Variants in TYMS observed in about 807,000 individuals in gnomAD.
The protein encoded by TYMS is thymidylate synthetase.
A neutral mutation model predicts 39.3 loss-of-function variants in TYMS; 21 were observed. The ratio of observed to expected loss-of-function variants is 0.54; its 90% CI spans 0.38 to 0.77. TYMS has a LOEUF of 0.77. TYMS is among the 30% of genes least tolerant of loss of function. The pLI is 0.00. For missense variants in TYMS, 273 were observed against 406.7 expected (o/e 0.67, Z 2.83); for synonymous variants, 171 against 162.2 (o/e 1.05, Z -0.41).
intron 3 of TYMS, among the ~76,000 whole-genome samples, chr18:664,816 A>G (rs2074792727): frequency 6.8e-6 from 1 of 148,100 alleles, no homozygotes; most frequent in South Asian, 2.2e-4. Context: ...ATGCTGGATT[A>G]CATTTATTGA....
chr18:670,946 CAG>C, intron 5 of TYMS, 79 bp downstream of exon 5: 1 of 1,504,066 alleles, frequency 6.6e-7, no homozygotes, highest in Non-Finnish European at 9.1e-7. Context: ...AAACAAATTG[CAG>C]AGTTTAGTCT....
At chr18:661,821 A>C (rs2074758255) in intron 2 of TYMS, among the ~76,000 whole-genome samples, 1 of 152,234 alleles carries the variant, frequency 6.6e-6, no homozygotes, top group African/African-American at 2.4e-5. Flanking sequence ...CACTGTCTCT[A>C]CTAAAAATAC....
Position 669,148 on chromosome 18 carries a change from C to T in TYMS, c.531C>T (p.Ile177=), listed in dbSNP as rs1399613057. ...TIKTNPDDRR[I]IMCAWNPRDL... is the part of the protein sequence containing the mutation. ...AAACCAACCCTGACGACAGAAGAAT[C>T]ATCATGTGCGCTTGGAATCCAAGAG... is the stretch of plus-strand genomic sequence containing the variant. The change falls in exon 4 of 7, where the codon ATC becomes ATT. Residue 177 remains isoleucine (I), a synonymous_variant. Transcript: ENST00000323274. 7 of 1,614,014 alleles carry T rather than the reference C, an allele frequency of 4.3e-6. No homozygotes were observed. Among genetic ancestry groups the T allele is most frequent in the African/African-American group, 1.3e-5 (1 of 74,926 alleles).
At chr18:659,508 C>T in intron 1 of TYMS, 133 bp from the exon 2 acceptor site, 1 of 733,078 alleles carries the variant, frequency 1.4e-6, no homozygotes, top group South Asian at 1.6e-5. Flanking sequence ...TGATCTCTGG[C>T]CCACTTTGCG....
intron 3 of TYMS, among the ~76,000 whole-genome samples, chr18:665,197 C>G (rs1299755215): frequency 6.6e-6 from 1 of 151,114 alleles, no homozygotes; most frequent in East Asian, 2.0e-4. Flanking sequence ...AATTTCAGCT[C>G]CTGTTATTGG....
At position 666,154 on chromosome 18, in the gene TYMS, C is replaced by T. The variant is rs538962103; in HGVS notation, c.455-2918C>T. 4.0e-5 allele frequency among the ~76,000 whole-genome samples: 4 copies of T among 100,686 alleles called. No individual in the cohort carries two copies. The South Asian group carries it at 1.2e-3, about 31-fold the overall frequency. The allele number at this position is 100,686 out of a possible 152,430, so 66.1% of individuals were successfully genotyped here. A position where few individuals can be genotyped will look rare whatever the true frequency, so the allele number is the denominator to read the frequency against. Reference sequence around the variant, plus strand: ...ATTATTAATGTGTGGGAGTCTAAGTCTCTTTGTAGGTCAGATGATTGGCAC... The same window carrying T: ...ATTATTAATGTGTGGGAGTCTAAGTTTCTTTGTAGGTCAGATGATTGGCAC... On this transcript the variant is annotated intron_variant, in intron 3 of 6. Transcript: ENST00000323274.
rs567101378 is a variant in TYMS at position 668,252 on chromosome 18, C to T, written c.455-820C>T. ...ATCTTTTTAAAATCTTTGATGTTAC[C>T]TTTTTCGGAACAGTGACCATGAGAG... On this transcript the variant is annotated intron_variant, in intron 3 of 6. Coordinates refer to ENST00000323274, the MANE Select transcript of TYMS (RefSeq NM_001071.4). 2.0e-3 allele frequency among the ~76,000 whole-genome samples: 309 copies of T among 151,874 alleles called. 1 individual carries two copies. Among genetic ancestry groups the T allele is most frequent in the African/African-American group, 6.8e-3 (280 of 41,416 alleles).
At chr18:668,229 CT>C (rs1315265278) in intron 3 of TYMS, among the ~76,000 whole-genome samples, 2 of 149,870 alleles carry the variant, frequency 1.3e-5, no homozygotes, top group Non-Finnish European at 3.0e-5. Context: ...CAAGGTTCAT[CT>C]TTTTAAAATC....
In TYMS at chr18:662,969, A is replaced by T. The variant is rs1282279386; in HGVS notation, c.454+649A>T. Among the ~76,000 whole-genome samples the T allele has an allele frequency of 2.0e-5, 3 of 146,818 alleles. No individual in the cohort carries two copies. In the East Asian group the frequency reaches 6.0e-4, roughly 29 times the overall value. On this transcript the variant is annotated intron_variant, in intron 3 of 6. Coordinates refer to ENST00000323274, the MANE Select transcript of TYMS (RefSeq NM_001071.4). ...TTGCTATTGTGAATAGTGCCACAAT[A>T]AACATACGTGTGCATGTGTCTTTAT...
chr18:667,569 G>GGT (rs1318703793), intron 3 of TYMS, among the ~76,000 whole-genome samples: 18 of 77,182 alleles, frequency 2.3e-4, no homozygotes, highest in Non-Finnish European at 2.4e-4. Context: ...TGATGGTGAT[G>GGT]GAGATGGTGA....
chr18:667,499 AGATGGTGATGGTGATGGT>A (rs1408203595), intron 3 of TYMS, among the ~76,000 whole-genome samples: 2 of 10,182 alleles, frequency 2.0e-4, no homozygotes, highest in Non-Finnish European at 3.4e-4. Flanking sequence ...ATGGTGATGG[AGATGGTGATGGTGATGGT>A]GATGGTGATG....
intron 3 of TYMS, among the ~76,000 whole-genome samples, chr18:666,926 GT>G (rs1295240915): frequency 1.5e-5 from 1 of 64,528 alleles, no homozygotes; most frequent in Non-Finnish European, 3.5e-5. Flanking sequence ...GATGGAGATG[GT>G]GATGGTGATG....
intron 4 of TYMS, chr18:669,495 C>G (rs2074941894): frequency 4.8e-6 from 1 of 208,420 alleles, no homozygotes; most frequent in Non-Finnish European, 9.8e-6. Context: ...GCCTCAGCCT[C>G]CCAAGTAGCT....
chr18:660,651 T>G lies in TYMS; in HGVS notation c.279+937T>G, dbSNP rs560813771. ...CTCTTCAGTAACAAGGTGAACCCCTTCCAGAGGGCTGAGTAGGTACCTCAG... is the reference window on the plus strand; with the variant it reads ...CTCTTCAGTAACAAGGTGAACCCCTGCCAGAGGGCTGAGTAGGTACCTCAG... On this transcript the variant is annotated intron_variant, in intron 2 of 6. Transcript: ENST00000323274. This position sits in a 1 kb window ranked among gnomAD's most constrained non-coding sequence, Gnocchi z 4.6. 6.6e-5 allele frequency among the ~76,000 whole-genome samples: 10 copies of G among 152,308 alleles called. No homozygotes were observed. The highest frequency in any genetic ancestry group is 3.4e-3 in the Middle Eastern group (1 of 294).
At chr18:662,425 G>A (rs921011972) in intron 3 of TYMS, 105 bp downstream of exon 3, 20 of 1,098,606 alleles carry the variant, frequency 1.8e-5, no homozygotes, top group Non-Finnish European at 2.4e-5. Flanking sequence ...TGTCACAGGA[G>A]CTGATGTATA....
rs16948421 is a variant in TYMS at position 673,395 on chromosome 18, G to A, written c.*398G>A. ...TCACAAGCTATTCCCTCAAATCTGA[G>A]GGAGCTGAGTAACACCATCGATCAT... On this transcript the variant is annotated 3_prime_UTR_variant, in exon 7 of 7. Coordinates refer to ENST00000323274, the MANE Select transcript of TYMS (RefSeq NM_001071.4). 0.029 allele frequency: 6,679 copies of A among 227,284 alleles called. 434 individuals carry two copies. The highest frequency in any genetic ancestry group is 0.14 in the African/African-American group (6,235 of 44,752). The allele number at this position is 227,284 out of a possible 1,614,324, so 14.1% of individuals were successfully genotyped here. A position where few individuals can be genotyped will look rare whatever the true frequency, so the allele number is the denominator to read the frequency against.
rs1269844514 is a variant in TYMS, at chr18:666,921, AGATGGTGATGGT to A, written c.455-2145_455-2134del. On this transcript the variant is annotated intron_variant, in intron 3 of 6. Transcript: ENST00000323274. ...GTGATGGAGATGGTGATGGTGATGG[AGATGGTGATGGT>A]GATGGAGATGGTGATGGTGATGGAG... Among the ~76,000 whole-genome samples, 94 of 33,494 alleles carry A rather than the reference AGATGGTGATGGT, an allele frequency of 2.8e-3. 16 individuals carry two copies. The highest frequency in any genetic ancestry group is 7.0e-3 in the African/African-American group (61 of 8,776). 22.0% of individuals were successfully genotyped at this position (33,494 alleles called of 152,430 possible). A position where few individuals can be genotyped will look rare whatever the true frequency, so the allele number is the denominator to read the frequency against.
At chr18:671,272 ATTTT>A in intron 5 of TYMS, 104 bp from the exon 6 acceptor site, 1 of 809,632 alleles carries the variant, frequency 1.2e-6, no homozygotes, top group East Asian at 2.4e-5. Flanking sequence ...ACACTAAATT[ATTTT>A]TTTAAAAAAA....
chr18:666,623 C>T (rs952579844), intron 3 of TYMS, among the ~76,000 whole-genome samples: 2 of 152,200 alleles, frequency 1.3e-5, no homozygotes, highest in Non-Finnish European at 2.9e-5. Context: ...AGTCACATTT[C>T]ACCTCCAGCC....
Sources: gnomAD v4.1 joint callset for allele counts (sites outside exome capture counted in the v4.1 genomes callset) on GRCh38, gnomAD v4.1.1 for gene constraint, Gnocchi (gnomAD v3.1) non-coding constraint, MANE v1.5 for transcripts, NCBI Gene and HGNC (gene_info 2026-07-23, HGNC 2026-07-21) for gene names.